The following CSMD1 variants were observed in gnomAD, a reference collection of about 807,000 sequenced individuals.
CSMD1 encodes the protein CUB and Sushi multiple domains 1, also known as CUB and sushi domain-containing protein 1.
In CSMD1, 213 loss-of-function variants were observed where a neutral mutation model predicts 417.5. That is an observed-to-expected ratio of 0.51 (90% CI 0.46 to 0.57). The LOEUF (loss-of-function observed/expected upper bound fraction) is 0.57, where lower values mean the gene tolerates loss of function less well. Ranked by LOEUF, CSMD1 falls within the 20% of genes least tolerant of loss-of-function variation. The pLI, the probability that CSMD1 is intolerant of heterozygous loss-of-function variation, is 0.00. For synonymous variants in CSMD1, 2,862 were observed against 1,736.8 expected (o/e 1.65, Z -16.11); for missense variants, 6,923 against 4,529.7 (o/e 1.53, Z -15.17).
At chr8:3,901,402 T>C (rs1000120565) in intron 5 of CSMD1, among the ~76,000 whole-genome samples, 14 of 152,232 alleles carry the variant, frequency 9.2e-5, no homozygotes, top group African/African-American at 2.2e-4. Flanking sequence ...TAAACCTTCA[T>C]CTTCCCTGAA....
At chr8:3,825,309 C>G (rs574555150) in intron 5 of CSMD1, among the ~76,000 whole-genome samples, 3 of 152,208 alleles carry the variant, frequency 2.0e-5, no homozygotes, top group South Asian at 2.1e-4. Flanking sequence ...ACAGGTGGAT[C>G]GCTGGATGTC....
At chr8:4,363,866 G>A (rs952906919) in intron 3 of CSMD1, among the ~76,000 whole-genome samples, 2 of 152,110 alleles carry the variant, frequency 1.3e-5, no homozygotes, top group South Asian at 2.1e-4. Flanking sequence ...TAGAACTCAT[G>A]GACATAGAGA....
At position 3,740,181 on chromosome 8, in the gene CSMD1, C is replaced by A. The variant is rs549238876; in HGVS notation, c.931+13749G>T. Among the ~76,000 whole-genome samples, 8 of 152,320 alleles carry A rather than the reference C, an allele frequency of 5.3e-5. No individual in the cohort carries two copies. The South Asian group carries it at 1.7e-3, about 32-fold the overall frequency. ...AGTGCAATAGCATGATCTTGGCTCACTGCAACCCCCACCTCCCAGGTTCAA... is the reference window on the plus strand; with the variant it reads ...AGTGCAATAGCATGATCTTGGCTCAATGCAACCCCCACCTCCCAGGTTCAA... On this transcript the variant is annotated intron_variant, in intron 6 of 69. Transcript: ENST00000635120.
chr8:3,414,129 A>C (rs1812979241), intron 12 of CSMD1, among the ~76,000 whole-genome samples: 2 of 139,192 alleles, frequency 1.4e-5, no homozygotes, highest in Non-Finnish European at 1.5e-5. Flanking sequence ...ACAGAGCGAG[A>C]CTCCGTTAAA....
intron 2 of CSMD1, among the ~76,000 whole-genome samples, chr8:4,464,404 T>C (rs1800028440): frequency 6.6e-6 from 1 of 152,162 alleles, no homozygotes. Flanking sequence ...CTGCAAAACA[T>C]TGTAGCTTAG....
intron 5 of CSMD1, among the ~76,000 whole-genome samples, chr8:3,939,532 A>C (rs762862421): frequency 2.0e-5 from 3 of 152,178 alleles, no homozygotes; most frequent in Non-Finnish European, 4.4e-5. Flanking sequence ...ACTCAAAGGA[A>C]AAGACGTCAT....
intron 5 of CSMD1, among the ~76,000 whole-genome samples, chr8:3,907,552 C>T (rs888553141): frequency 2.6e-5 from 4 of 152,108 alleles, no homozygotes; most frequent in Middle Eastern, 6.8e-3. Flanking sequence ...AAGGAATGGC[C>T]CAGCCAAGTG....
intron 5 of CSMD1, among the ~76,000 whole-genome samples, chr8:3,897,147 C>A (rs997482976): frequency 6.6e-6 from 1 of 152,110 alleles, no homozygotes; most frequent in South Asian, 2.1e-4. Context: ...GTTTTTAAAA[C>A]AGGAGTCTGA....
chr8:3,815,284 A>T (rs1010693626), intron 5 of CSMD1, among the ~76,000 whole-genome samples: 1 of 152,176 alleles, frequency 6.6e-6, no homozygotes, highest in African/African-American at 2.4e-5. Flanking sequence ...ATAACAGAAG[A>T]AAGAATAACC....
chr8:4,101,761 G>A (rs1287365652), intron 3 of CSMD1, among the ~76,000 whole-genome samples: 1 of 152,196 alleles, frequency 6.6e-6, no homozygotes, highest in Non-Finnish European at 1.5e-5. Context: ...GAAAGCTTTT[G>A]CTTAGGACAG....
intron 10 of CSMD1, among the ~76,000 whole-genome samples, chr8:3,500,840 G>A (rs781216238): frequency 6.6e-6 from 1 of 152,166 alleles, no homozygotes; most frequent in Non-Finnish European, 1.5e-5. Flanking sequence ...AGGAAGCGGA[G>A]TAAGTGGTTC....
At chr8:3,782,053 C>T (rs1287375155) in intron 5 of CSMD1, among the ~76,000 whole-genome samples, 3 of 152,062 alleles carry the variant, frequency 2.0e-5, no homozygotes, top group Admixed American at 6.6e-5. Context: ...ATTCTGTCCA[C>T]TTAATACTTG....
chr8:4,902,066 G>T (rs912351009), intron 1 of CSMD1, among the ~76,000 whole-genome samples: 2 of 152,066 alleles, frequency 1.3e-5, no homozygotes, highest in Non-Finnish European at 2.9e-5. Context: ...TTACATTAAA[G>T]AATATATATG....
chr8:3,376,774 G>C (rs1810333309), intron 18 of CSMD1, among the ~76,000 whole-genome samples: 1 of 133,258 alleles, frequency 7.5e-6, no homozygotes, highest in Non-Finnish European at 1.6e-5. Flanking sequence ...GTTTCATGTT[G>C]ATATACAATA....
chr8:3,630,026 G>C (rs1796700737), intron 7 of CSMD1, among the ~76,000 whole-genome samples: 1 of 151,472 alleles, frequency 6.6e-6, no homozygotes, highest in African/African-American at 2.4e-5. Context: ...TTTGTAAAAA[G>C]AAAACATTTC....
intron 10 of CSMD1, among the ~76,000 whole-genome samples, chr8:3,548,397 T>C (rs543593522): frequency 7.3e-4 from 111 of 152,258 alleles, no homozygotes; most frequent in African/African-American, 2.4e-3. Context: ...ACTTATCACC[T>C]GAGCAGTATA....
intron 1 of CSMD1, among the ~76,000 whole-genome samples, chr8:4,737,738 T>C (rs1468131800): frequency 6.6e-6 from 1 of 152,142 alleles, no homozygotes; most frequent in Non-Finnish European, 1.5e-5. Flanking sequence ...ATGGCTTAAA[T>C]CAATGCAAAG....
At chr8:4,027,188 T>A (rs1357616969) in intron 4 of CSMD1, among the ~76,000 whole-genome samples, 1 of 152,114 alleles carries the variant, frequency 6.6e-6, no homozygotes, top group Non-Finnish European at 1.5e-5. Flanking sequence ...GTAAGAAGCA[T>A]ATAGGAAGCC....
intron 30 of CSMD1, among the ~76,000 whole-genome samples, chr8:3,206,828 C>G (rs778081686): frequency 2.0e-5 from 3 of 152,236 alleles, no homozygotes; most frequent in Non-Finnish European, 2.9e-5. Context: ...TTTAAAGCAT[C>G]ATGGAAGAGA....
Sources: gnomAD v4.1 joint callset for allele counts (sites outside exome capture counted in the v4.1 genomes callset) on GRCh38, gnomAD v4.1.1 for gene constraint, MANE v1.5 for transcripts, NCBI Gene and HGNC (gene_info 2026-07-23, HGNC 2026-07-21) for gene names.